Variants in RARB observed in about 807,000 individuals in gnomAD.
RARB encodes HBV-activated protein.
In RARB, 17 loss-of-function variants were observed where a neutral mutation model predicts 51.9. The ratio of observed to expected loss-of-function variants is 0.33; its 90% CI spans 0.22 to 0.49. The LOEUF is 0.49. RARB is among the 20% of genes least tolerant of loss of function. RARB has a pLI of 0.99. For synonymous variants in RARB, 215 were observed against 195.4 expected (o/e 1.10, Z -0.84); for missense variants, 369 against 550.8 (o/e 0.67, Z 3.30).
intron 2 of RARB, among the ~76,000 whole-genome samples, chr3:24,933,261 CATAACT>C (rs1421900063): frequency 4.6e-5 from 7 of 151,518 alleles, no homozygotes; most frequent in African/African-American, 1.5e-4. Flanking sequence ...GAGGAAAAAC[CATAACT>C]ATATTTCACT....
intron 5 of RARB, among the ~76,000 whole-genome samples, chr3:25,275,889 G>A (rs1356631833): frequency 1.3e-5 from 2 of 152,192 alleles, no homozygotes; most frequent in Admixed American, 6.5e-5. Context: ...AAAGGTGCAC[G>A]TTGTGCACAT....
intron 5 of RARB, among the ~76,000 whole-genome samples, chr3:25,334,266 T>C (rs1704993742): frequency 6.6e-6 from 1 of 152,050 alleles, no homozygotes; most frequent in Admixed American, 6.5e-5. Flanking sequence ...TAACAAAGAC[T>C]TGGAACCAAC....
chr3:25,247,800 C>T (rs1248388127), intron 5 of RARB, among the ~76,000 whole-genome samples: 1 of 152,210 alleles, frequency 6.6e-6, no homozygotes, highest in Non-Finnish European at 1.5e-5. Context: ...TATGTCTTAA[C>T]ATATCTATTC....
At chr3:25,461,805 G>A (rs546823339) in intron 2 of RARB, among the ~76,000 whole-genome samples, 5 of 152,298 alleles carry the variant, frequency 3.3e-5, no homozygotes, top group Admixed American at 3.3e-4. Flanking sequence ...TGAGACACGA[G>A]AATCACTTGA....
Position 25,440,154 on chromosome 3 carries a change from T to G in RARB, c.157+11266T>G, listed in dbSNP as rs546861767. 3.9e-5 allele frequency among the ~76,000 whole-genome samples: 6 copies of G among 152,346 alleles called. No individual in the cohort carries two copies. The South Asian group carries it at 8.3e-4, about 21-fold the overall frequency. ...TTTTACATATATACATAGTTGTCAA[T>G]AAGAAACTTGTTTTAGGCTTGCATG... On this transcript the variant is annotated intron_variant, in intron 1 of 7. Coordinates refer to ENST00000330688, the MANE Select transcript of RARB (RefSeq NM_000965.5).
At chr3:25,241,747 G>C (rs576689652) in intron 5 of RARB, among the ~76,000 whole-genome samples, 1 of 152,246 alleles carries the variant, frequency 6.6e-6, no homozygotes, top group Admixed American at 6.5e-5. Flanking sequence ...CCAAGTCTTT[G>C]CTATTGTGAA....
chr3:25,053,344 A>G (rs1373132422), intron 2 of RARB, among the ~76,000 whole-genome samples: 1 of 152,114 alleles, frequency 6.6e-6, no homozygotes, highest in Admixed American at 6.6e-5. Flanking sequence ...TTTCTCTCAC[A>G]AGACTGCAAG....
chr3:25,320,009 T>TA (rs1170255138), intron 5 of RARB, among the ~76,000 whole-genome samples: 7 of 146,388 alleles, frequency 4.8e-5, no homozygotes, highest in Non-Finnish European at 9.0e-5. Context: ...TGTAATGAAC[T>TA]AAAAAAAATA....
At chr3:25,120,447 T>C (rs972249891) in intron 3 of RARB, among the ~76,000 whole-genome samples, 6 of 152,028 alleles carry the variant, frequency 3.9e-5, no homozygotes, top group Non-Finnish European at 7.4e-5. Context: ...TCTCTAGTTA[T>C]AAACTTTAAC....
At chr3:25,325,119 T>C (rs1704676202) in intron 5 of RARB, among the ~76,000 whole-genome samples, 1 of 152,192 alleles carries the variant, frequency 6.6e-6, no homozygotes, top group African/African-American at 2.4e-5. Flanking sequence ...GGCTTATTCA[T>C]GAGTTTTCTG....
chr3:24,937,982 A>T (rs1262801776), intron 2 of RARB, among the ~76,000 whole-genome samples: 3 of 152,138 alleles, frequency 2.0e-5, no homozygotes, highest in Non-Finnish European at 4.4e-5. Context: ...GACTCACTTG[A>T]TTCAGTACAT....
At chr3:25,574,966 T>C (rs1211911982) in intron 4 of RARB, among the ~76,000 whole-genome samples, 1 of 152,124 alleles carries the variant, frequency 6.6e-6, no homozygotes, top group Non-Finnish European at 1.5e-5. Context: ...CTGTCTGACT[T>C]TGAGCCAGTT....
At chr3:25,518,999 G>T (rs141066540) in intron 3 of RARB, among the ~76,000 whole-genome samples, 19 of 152,250 alleles carry the variant, frequency 1.2e-4, no homozygotes, top group African/African-American at 4.6e-4. Flanking sequence ...CCATAGGTTA[G>T]CTTTGCTTGT....
intron 3 of RARB, among the ~76,000 whole-genome samples, chr3:25,128,095 C>A (rs1699890224): frequency 6.6e-6 from 1 of 152,066 alleles, no homozygotes; most frequent in Admixed American, 6.6e-5. Context: ...ATAAAGTACT[C>A]TGGTTCACTG....
intron 2 of RARB, among the ~76,000 whole-genome samples, chr3:25,480,243 A>G (rs1696159242): frequency 6.6e-6 from 1 of 152,264 alleles, no homozygotes. Flanking sequence ...AGAAGTAGAC[A>G]GTGTAGTATA....
At chr3:25,364,188 A>G (rs1258877726) in intron 5 of RARB, among the ~76,000 whole-genome samples, 1 of 152,306 alleles carries the variant, frequency 6.6e-6, no homozygotes, top group East Asian at 1.9e-4. Flanking sequence ...GAATTCCAAA[A>G]GGGCAGGATC....
chr3:25,088,996 C>A (rs1699149437), intron 3 of RARB, among the ~76,000 whole-genome samples: 1 of 151,932 alleles, frequency 6.6e-6, no homozygotes, highest in East Asian at 1.9e-4. Context: ...CCCTCCCCAC[C>A]CTGCCCCCTT....
intron 3 of RARB, among the ~76,000 whole-genome samples, chr3:25,507,108 T>G (rs1406784414): frequency 2.6e-5 from 4 of 152,248 alleles, no homozygotes; most frequent in Admixed American, 6.5e-5. Flanking sequence ...AACCGCAAAC[T>G]TATTATATTA....
At chr3:25,468,849 C>T (rs1234007980) in intron 2 of RARB, among the ~76,000 whole-genome samples, 3 of 152,210 alleles carry the variant, frequency 2.0e-5, no homozygotes, top group African/African-American at 7.2e-5. Flanking sequence ...TTGCTCTCTA[C>T]ATTTTGCCTT....
Sources: gnomAD v4.1 joint callset for allele counts (sites outside exome capture counted in the v4.1 genomes callset) on GRCh38, gnomAD v4.1.1 for gene constraint, MANE v1.5 for transcripts, NCBI Gene and HGNC (gene_info 2026-07-23, HGNC 2026-07-21) for gene names.